NDST1: variants seen among roughly 807,000 people sequenced by gnomAD.
NDST1 encodes the protein N-deacetylase and N-sulfotransferase 1.
Under a neutral mutation model 92.8 loss-of-function variants are expected in NDST1, and 35 were observed. That is an observed-to-expected ratio of 0.38 (90% CI 0.29 to 0.50). The LOEUF (loss-of-function observed/expected upper bound fraction) is 0.50. Among genes scored for constraint, NDST1 ranks in the 20% least tolerant of loss-of-function variants. The pLI is 0.94. For missense variants in NDST1, 822 were observed against 1,182.7 expected (o/e 0.69, Z 4.47); for synonymous variants, 493 against 500.3 (o/e 0.99, Z 0.19).
rs1349706466 is a variant in NDST1 at position 150,556,746 on chromosome 5, T to A, written c.*3414T>A. On this transcript the variant is annotated 3_prime_UTR_variant, in exon 15 of 15. Coordinates refer to ENST00000261797, the MANE Select transcript of NDST1 (RefSeq NM_001543.5). ...CCAGTATCACAGCCAAGACGAGAAG[T>A]CATTTCCCAGCGATGTCTGCTATCT... The A allele has an allele frequency of 6.6e-6, 1 of 152,412 alleles. No individual in the cohort carries two copies. The highest frequency in any genetic ancestry group is 1.5e-5 in the Non-Finnish European group (1 of 68,050). The allele number at this position is 152,412 out of a possible 1,614,324, so 9.4% of individuals were successfully genotyped here. A position where few individuals can be genotyped will look rare whatever the true frequency, so the allele number is the denominator to read the frequency against.
In NDST1 at chr5:150,527,952, C is replaced by A; in HGVS notation, c.662C>A (p.Pro221His). The A allele has an allele frequency of 6.2e-7, 1 of 1,614,064 alleles. No homozygotes were observed. The highest frequency in any genetic ancestry group is 1.3e-5 in the African/African-American group (1 of 75,066). The stretch of plus-strand genomic sequence containing the variant: ...AGCGAGGTGGAGAAAGGTGTGCTCC[C>A]CGGCGAGGACTGGACGGTTTTCCAG... ...RPSEVEKGVL[P>H]GEDWTVFQSN... The change falls in exon 3 of 15, where the codon CCC (proline) becomes CAC (histidine). Residue 221 changes from proline (P) to histidine (H), a missense_variant. Transcript: ENST00000261797.
chr5:150,520,650 C>T (rs925709067), intron 1 of NDST1, among the ~76,000 whole-genome samples: 2 of 152,120 alleles, frequency 1.3e-5, no homozygotes, highest in African/African-American at 4.8e-5. Flanking sequence ...ATCCTCCAAC[C>T]CCTTATGAGA....
At chr5:150,535,170 A>C in intron 5 of NDST1, 149 bp downstream of exon 5, 1 of 1,320,086 alleles carries the variant, frequency 7.6e-7, no homozygotes, top group Non-Finnish European at 1.0e-6. Context: ...CTGCCTTTAT[A>C]GCCACTGTCT....
In NDST1 at chr5:150,535,809, G is replaced by A. The variant is rs749302769; in HGVS notation, c.1361G>A (p.Arg454His). 3.8e-5 allele frequency: 62 copies of A among 1,614,190 alleles called. No individual in the cohort carries two copies. The highest frequency in any genetic ancestry group is 3.2e-4 in the South Asian group (29 of 91,086). Residue 454 changes from arginine (R) to histidine (H), a missense_variant, in exon 6 of 15, where the codon CGC becomes CAC. Coordinates refer to ENST00000261797, the MANE Select transcript of NDST1 (RefSeq NM_001543.5). ...GCTTGGAAGCAGGTGTGGAGCATCC[G>A]CGTGACCAGCACGGAGGAGTACCCC... is the stretch of plus-strand genomic sequence containing the variant. ...YEAWKQVWSI[R>H]VTSTEEYPHL...
At chr5:150,509,736 C>G (rs1753632634) in intron 1 of NDST1, among the ~76,000 whole-genome samples, 1 of 152,196 alleles carries the variant, frequency 6.6e-6, no homozygotes. Context: ...GTCTCGATCT[C>G]AGGACCTTGT....
chr5:150,532,998 C>T lies in NDST1; in HGVS notation c.1062C>T (p.Phe354=), dbSNP rs150774762. 164 of 1,614,128 alleles carry T rather than the reference C, an allele frequency of 1.0e-4. No individual in the cohort carries two copies. Among genetic ancestry groups the T allele is most frequent in the Non-Finnish European group, 1.3e-4 (159 of 1,180,058 alleles). Residue 354 remains phenylalanine, a synonymous_variant, in exon 4 of 15, where the codon TTC becomes TTT. Coordinates refer to ENST00000261797, the MANE Select transcript of NDST1 (RefSeq NM_001543.5). The part of the protein sequence containing the change: ...ELRAHIPNFT[F]NLGYSGKFFH... ...GCGCACACATCCCAAACTTCACCTT[C>T]AACCTGGGCTACTCAGGGAAATTCT...
chr5:150,502,052 C>CA (rs1483446706), intron 1 of NDST1, among the ~76,000 whole-genome samples: 5 of 152,174 alleles, frequency 3.3e-5, no homozygotes, highest in Admixed American at 1.3e-4. Flanking sequence ...GGCCAGAGGG[C>CA]ATGTGGAGAC....
At chr5:150,552,591 G>A (rs111921781) in intron 14 of NDST1, 249 of 178,364 alleles carry the variant, frequency 1.4e-3, no homozygotes, top group African/African-American at 5.1e-3. Context: ...GGGCTCAATC[G>A]ATCTTCCCGC....
intron 1 of NDST1, among the ~76,000 whole-genome samples, chr5:150,509,974 C>T (rs115527157): frequency 3.2e-3 from 490 of 152,140 alleles, no homozygotes; most frequent in African/African-American, 0.011. Flanking sequence ...GCCTGGTCAC[C>T]TCCAGGAAGC....
chr5:150,539,512 G>A (rs1341808726), intron 7 of NDST1, 156 bp downstream of exon 7: 22 of 1,538,902 alleles, frequency 1.4e-5, no homozygotes, highest in East Asian at 1.4e-4. Flanking sequence ...GCCCTGCCTC[G>A]GCTGTGTGAC....
chr5:150,547,347 G>A (rs1421076917), intron 11 of NDST1, among the ~76,000 whole-genome samples: 2 of 152,194 alleles, frequency 1.3e-5, no homozygotes, highest in Non-Finnish European at 2.9e-5. Flanking sequence ...GGACGCTGCT[G>A]TGCACCATAT....
intron 12 of NDST1, among the ~76,000 whole-genome samples, chr5:150,549,050 C>T (rs1389848726): frequency 6.6e-6 from 1 of 151,618 alleles, no homozygotes; most frequent in African/African-American, 2.4e-5. Flanking sequence ...CTCGCTCTGT[C>T]TCCCAGGCTG....
chr5:150,525,860 C>T (rs1485944120), intron 2 of NDST1, among the ~76,000 whole-genome samples: 2 of 152,176 alleles, frequency 1.3e-5, no homozygotes, highest in African/African-American at 2.4e-5. Context: ...TTTGCTTTGC[C>T]CTGCCCCACT....
At chr5:150,551,696 A>G in intron 13 of NDST1, 57 bp from the exon 14 acceptor site, 2 of 1,595,334 alleles carry the variant, frequency 1.3e-6, no homozygotes, top group East Asian at 4.5e-5. Flanking sequence ...CATGGCTTTA[A>G]GGTCGGAAGT....
intron 1 of NDST1, among the ~76,000 whole-genome samples, chr5:150,502,359 G>A (rs193031328): frequency 6.6e-6 from 1 of 152,300 alleles, no homozygotes; most frequent in East Asian, 1.9e-4. Context: ...TGGGGTGTGA[G>A]AATAGAGTGT....
At position 150,549,081 on chromosome 5, in the gene NDST1, G is replaced by T. The variant is rs560584430; in HGVS notation, c.2317-597G>T. Among the ~76,000 whole-genome samples the T allele has an allele frequency of 2.2e-4, 34 of 152,304 alleles. No homozygotes were observed. The East Asian group carries it at 6.6e-3, about 29-fold the overall frequency. ...GGCTGGAGTGCAGTGGCACGATCTT[G>T]GCTCACTGCAACCTCTGCCTCCCGG... On this transcript the variant is annotated intron_variant, in intron 12 of 14. Transcript: ENST00000261797.
Position 150,545,306 on chromosome 5 carries a change from C to T in NDST1, c.1971-6C>T, listed in dbSNP as rs1755432516. The T allele has an allele frequency of 1.4e-5, 23 of 1,614,082 alleles. No homozygotes were observed. Among genetic ancestry groups the T allele is most frequent in the Non-Finnish European group, 1.8e-5 (21 of 1,180,042 alleles). ...TCTGTGAGCCGCCTCTCTGGGCTTC[C>T]TGCAGGTACATGGAGTTCTTCCCCA... On this transcript the variant is annotated splice_polypyrimidine_tract_variant and splice_region_variant and intron_variant, in intron 10 of 14. Transcript: ENST00000261797.
intron 13 of NDST1, among the ~76,000 whole-genome samples, chr5:150,550,199 C>T (rs987569952): frequency 1.3e-5 from 2 of 151,534 alleles, no homozygotes; most frequent in Admixed American, 1.3e-4. Context: ...CTCCCAGGCT[C>T]AAGTGATCCT....
At chr5:150,513,713 A>G (rs1753829515) in intron 1 of NDST1, among the ~76,000 whole-genome samples, 1 of 152,178 alleles carries the variant, frequency 6.6e-6, no homozygotes, top group African/African-American at 2.4e-5. Context: ...TCTTGGTCTC[A>G]TTCCTGGAGC....
Sources: allele counts gnomAD v4.1 joint callset (sites outside exome capture counted in the v4.1 genomes callset), GRCh38; gene constraint gnomAD v4.1.1; transcripts MANE v1.5; gene names NCBI Gene and HGNC (gene_info 2026-07-23, HGNC 2026-07-21).